The following TK2 variants were observed in gnomAD, a reference collection of about 807,000 sequenced individuals.
The protein encoded by TK2 is thymidine kinase 2.
Under a neutral mutation model 41.9 loss-of-function variants are expected in TK2, and 35 were observed. The ratio of observed to expected loss-of-function variants is 0.84; its 90% CI spans 0.64 to 1.11. The LOEUF (loss-of-function observed/expected upper bound fraction) is 1.11. Among genes scored for constraint, TK2 ranks in the 50% least tolerant of loss-of-function variants. The pLI is 0.00. For missense variants in TK2, 320 were observed against 351.1 expected (o/e 0.91, Z 0.71); for synonymous variants, 128 against 129.1 (o/e 0.99, Z 0.06).
chr16:66,508,837 A>T lies in TK2; in HGVS notation c.*3131T>A, dbSNP rs1405912944. The T allele has an allele frequency of 6.6e-6, 1 of 152,282 alleles. No individual in the cohort carries two copies. Among genetic ancestry groups the T allele is most frequent in the Admixed American group, 6.5e-5 (1 of 15,284 alleles). The allele number at this position is 152,282 out of a possible 1,614,324, so 9.4% of individuals were successfully genotyped here. On this transcript the variant is annotated 3_prime_UTR_variant, in exon 10 of 10. Coordinates refer to ENST00000544898, the MANE Select transcript of TK2 (RefSeq NM_004614.5). Reference sequence around the variant, plus strand: ...AAAACAAGCTGGGTAATGTTTCCAGAGGTCCACATTCACTCGTTTGTAAAT... The same window carrying T: ...AAAACAAGCTGGGTAATGTTTCCAGTGGTCCACATTCACTCGTTTGTAAAT...
chr16:66,543,713 C>T (rs1285448323), intron 2 of TK2, among the ~76,000 whole-genome samples: 2 of 152,188 alleles, frequency 1.3e-5, no homozygotes, highest in Non-Finnish European at 2.9e-5. Context: ...GCCTCAGTCA[C>T]ACCTCACATA....
At chr16:66,523,548 G>T (rs1414305941) in intron 6 of TK2, among the ~76,000 whole-genome samples, 1 of 152,204 alleles carries the variant, frequency 6.6e-6, no homozygotes, top group Non-Finnish European at 1.5e-5. Context: ...ATCTACTTTG[G>T]CCAGGCATGG....
chr16:66,536,613 G>T (rs925749002), intron 4 of TK2, among the ~76,000 whole-genome samples: 11 of 152,150 alleles, frequency 7.2e-5, no homozygotes, highest in Non-Finnish European at 1.3e-4. Flanking sequence ...TAGGTCCTGG[G>T]GGGGTTAGGC....
Position 66,511,768 on chromosome 16 carries a change from C to T in TK2, c.*200G>A. The T allele has an allele frequency of 1.6e-6, 1 of 635,620 alleles. No homozygotes were observed. The highest frequency in any genetic ancestry group is 1.8e-5 in the South Asian group (1 of 55,564). 39.4% of individuals were successfully genotyped at this position (635,620 alleles called of 1,614,324 possible). A position where few individuals can be genotyped will look rare whatever the true frequency, so the allele number is the denominator to read the frequency against. On this transcript the variant is annotated 3_prime_UTR_variant, in exon 10 of 10. Coordinates refer to ENST00000544898, the MANE Select transcript of TK2 (RefSeq NM_004614.5). ...TGCGAACAGCAAAGGGCTTGGCAAA[C>T]CCATTGGTCCCGTTTGTCATTTACC...
At chr16:66,549,765 G>A in intron 1 of TK2, 173 bp downstream of exon 1, 3 of 1,278,892 alleles carry the variant, frequency 2.3e-6, no homozygotes, top group African/African-American at 1.6e-5. Flanking sequence ...CGCTCGCTGC[G>A]GTCTCGCGCC....
rs527250336 is a variant in TK2, at chr16:66,549,262, T to C, written c.125-253A>G. ...TTCACTTAGTACATTATACTTTGCA[T>C]TTTCCACGTTATTTATTTAGATCTT... is the stretch of plus-strand genomic sequence containing the variant. On this transcript the variant is annotated intron_variant, in intron 1 of 9. Transcript: ENST00000544898. 2.8e-5 allele frequency: 37 copies of C among 1,317,470 alleles called. No homozygotes were observed. The East Asian group carries it at 1.1e-3, about 38-fold the overall frequency. The allele number at this position is 1,317,470 out of a possible 1,614,324, so 81.6% of individuals were successfully genotyped here.
At chr16:66,543,169 C>T (rs1453313622) in intron 2 of TK2, among the ~76,000 whole-genome samples, 1 of 152,204 alleles carries the variant, frequency 6.6e-6, no homozygotes, top group Non-Finnish European at 1.5e-5. Context: ...CCACTGCACC[C>T]GGCCAAGCCT....
At chr16:66,549,178 C>T in intron 1 of TK2, 169 bp from the exon 2 acceptor site, 5 of 1,479,008 alleles carry the variant, frequency 3.4e-6, no homozygotes, top group Non-Finnish European at 4.5e-6. Flanking sequence ...ACCGTCTCGC[C>T]GATGTGCCAC....
intron 4 of TK2, among the ~76,000 whole-genome samples, chr16:66,533,730 G>A (rs1232761321): frequency 1.3e-5 from 2 of 152,070 alleles, no homozygotes; most frequent in African/African-American, 4.8e-5. Context: ...TGGATCGGCC[G>A]GGCATGGTGG....
At chr16:66,545,864 G>A (rs537201280) in intron 2 of TK2, among the ~76,000 whole-genome samples, 1 of 151,988 alleles carries the variant, frequency 6.6e-6, no homozygotes, top group Non-Finnish European at 1.5e-5. Flanking sequence ...AAAGAAGCCA[G>A]ATACAAAAGA....
At chr16:66,538,941 C>T (rs1965369826) in intron 3 of TK2, among the ~76,000 whole-genome samples, 1 of 152,170 alleles carries the variant, frequency 6.6e-6, no homozygotes, top group Admixed American at 6.5e-5. Context: ...GGACAAGCCA[C>T]TTAACCTCAT....
At chr16:66,546,331 G>A (rs1241544344) in intron 2 of TK2, among the ~76,000 whole-genome samples, 1 of 152,210 alleles carries the variant, frequency 6.6e-6, no homozygotes, top group East Asian at 1.9e-4. Context: ...TCATTGAATT[G>A]CACATTTAAA....
chr16:66,519,817 G>A (rs779165023), intron 6 of TK2, among the ~76,000 whole-genome samples: 9 of 152,206 alleles, frequency 5.9e-5, no homozygotes, highest in Non-Finnish European at 1.2e-4. Context: ...CATGTGCAAT[G>A]GGAGGCTCTC....
chr16:66,524,820 G>C (rs1404180211), intron 6 of TK2: 1 of 152,280 alleles, frequency 6.6e-6, no homozygotes, highest in Non-Finnish European at 1.5e-5. Flanking sequence ...GGTAAAGCCT[G>C]TCTGGAAAGA....
Position 66,509,351 on chromosome 16 carries a change from C to G in TK2, c.*2617G>C, listed in dbSNP as rs906873235. On this transcript the variant is annotated 3_prime_UTR_variant, in exon 10 of 10. Transcript: ENST00000544898. ...GACCCCGATGGCCACTAAGCCACCA[C>G]AAAGCCCTGGACCACCCCACTACAC... The G allele has an allele frequency of 6.6e-6, 1 of 151,808 alleles. No homozygotes were observed. Among genetic ancestry groups the G allele is most frequent in the Non-Finnish European group, 1.5e-5 (1 of 68,018 alleles). The allele number at this position is 151,808 out of a possible 1,614,324, so 9.4% of individuals were successfully genotyped here.
chr16:66,544,273 G>A (rs1201938787), intron 2 of TK2, among the ~76,000 whole-genome samples: 1 of 152,178 alleles, frequency 6.6e-6, no homozygotes, highest in Non-Finnish European at 1.5e-5. Flanking sequence ...AGCAAAGGGA[G>A]TCTTTACATT....
At chr16:66,529,159 G>A in intron 5 of TK2, 92 bp from the exon 6 acceptor site, 1 of 1,207,170 alleles carries the variant, frequency 8.3e-7, no homozygotes. Flanking sequence ...CCTGCCTGGG[G>A]ACTTTGCTGA....
intron 3 of TK2, among the ~76,000 whole-genome samples, chr16:66,540,365 G>C (rs1307995612): frequency 1.3e-5 from 2 of 151,678 alleles, no homozygotes; most frequent in African/African-American, 4.8e-5. Flanking sequence ...TAGACATGTG[G>C]TTTTGTCATG....
chr16:66,534,016 A>AG (rs1965203386), intron 4 of TK2, among the ~76,000 whole-genome samples: 1 of 151,190 alleles, frequency 6.6e-6, no homozygotes, highest in Admixed American at 6.6e-5. Flanking sequence ...TCAAAAAAAA[A>AG]AAAAAAAAAA....
Sources: allele counts gnomAD v4.1 joint callset (sites outside exome capture counted in the v4.1 genomes callset), GRCh38; gene constraint gnomAD v4.1.1; transcripts MANE v1.5; gene names NCBI Gene and HGNC (gene_info 2026-07-23, HGNC 2026-07-21).